ZNF254: variants seen among roughly 807,000 people sequenced by gnomAD.
ZNF254 encodes the protein zinc finger protein 254, also known as CTD-2017D11.1.
ZNF254 carries 10 observed loss-of-function variants against 12.4 expected under a neutral mutation model. The observed-to-expected ratio is 0.80, with a 90% CI of 0.50 to 1.36. ZNF254 has a LOEUF of 1.36. ZNF254 is among the 40% of genes most tolerant of loss of function. The pLI is 0.00. For missense variants in ZNF254, 996 were observed against 763.9 expected, an observed-to-expected ratio of 1.30 and a Z score of -3.58; for synonymous variants, 305 against 253.4, an observed-to-expected ratio of 1.20 and a Z score of -1.93.
At chr19:24,113,329 C>T (rs1039545778) in intron 3 of ZNF254, among the ~76,000 whole-genome samples, 8 of 152,252 alleles carry the variant, frequency 5.3e-5, no homozygotes, top group African/African-American at 1.9e-4. Flanking sequence ...AAAGCTTATC[C>T]ACCATGATCA....
intron 2 of ZNF254, among the ~76,000 whole-genome samples, chr19:24,068,490 G>C (rs1971361598): frequency 6.6e-6 from 1 of 152,104 alleles, no homozygotes; most frequent in South Asian, 2.1e-4. Context: ...TAGTAGAGGT[G>C]GAGTTTCACC....
At position 24,128,074 on chromosome 19, in the gene ZNF254, T is replaced by C. The variant is rs1470068130; in HGVS notation, c.*94T>C. On this transcript the variant is annotated 3_prime_UTR_variant, in exon 4 of 4. Transcript: ENST00000357002. ...ACTACAAACCTGAGAGAGGCGCTAA[T>C]GCTTTTGACAGTACCTAAAACTTTA... 1 of 1,281,938 alleles carries C rather than the reference T, an allele frequency of 7.8e-7. No individual in the cohort carries two copies. Among genetic ancestry groups the C allele is most frequent in the Non-Finnish European group, 1.0e-6 (1 of 970,704 alleles). 79.4% of individuals were successfully genotyped at this position (1,281,938 alleles called of 1,614,324 possible).
At position 24,044,266 on chromosome 19, in the gene ZNF254, C is replaced by T. The variant is rs866053071; in HGVS notation, c.-189-1918C>T. On this transcript the variant is annotated intron_variant, in intron 1 of 4. Coordinates refer to the ZNF254 transcript ENST00000613065. ...AAAAAAAAAAAATACAGGCTGGGCG[C>T]GGTGGCTCACGCCTATAATCCCAGC... is the stretch of plus-strand genomic sequence containing the variant. 7.8e-4 allele frequency among the ~76,000 whole-genome samples: 114 copies of T among 146,548 alleles called. No homozygotes were observed. In the Middle Eastern group the frequency reaches 0.031, roughly 40 times the overall value.
At chr19:24,075,302 G>C (rs1235375426) in intron 2 of ZNF254, among the ~76,000 whole-genome samples, 1 of 152,076 alleles carries the variant, frequency 6.6e-6, no homozygotes, top group African/African-American at 2.4e-5. Context: ...CTGCCCATGG[G>C]GGCTTTGTGA....
At chr19:24,106,682 G>A in intron 3 of ZNF254, 39 bp downstream of exon 3, 1 of 1,497,130 alleles carries the variant, frequency 6.7e-7, no homozygotes, top group Non-Finnish European at 9.1e-7. Context: ...ATGGATGAGA[G>A]GTCCAAAGTC....
At chr19:24,091,445 A>G (rs1972378684) in intron 1 of ZNF254, among the ~76,000 whole-genome samples, 1 of 152,144 alleles carries the variant, frequency 6.6e-6, no homozygotes, top group South Asian at 2.1e-4. Flanking sequence ...TAGCAGGGTA[A>G]ATCCTTGGTA....
intron 1 of ZNF254, among the ~76,000 whole-genome samples, chr19:24,101,393 A>G (rs1347828236): frequency 6.6e-6 from 1 of 152,188 alleles, no homozygotes; most frequent in African/African-American, 2.4e-5. Context: ...TAGACATTTT[A>G]GATCCCTCCT....
rs543206843 is a variant in ZNF254 at position 24,116,017 on chromosome 19, A to G, written c.253+9374A>G. 1.6e-4 allele frequency among the ~76,000 whole-genome samples: 24 copies of G among 152,250 alleles called. No individual in the cohort carries two copies. The East Asian group carries it at 4.6e-3, about 29-fold the overall frequency. ...ATTCTTTTCTTTAAGAATGTTGAAT[A>G]TTGGCCCCCACTCTCTTCTGGCTTG... On this transcript the variant is annotated intron_variant, in intron 3 of 3. Transcript: ENST00000357002.
intron 1 of ZNF254, among the ~76,000 whole-genome samples, chr19:24,045,513 C>CA (rs1177715535): frequency 6.6e-6 from 1 of 151,676 alleles, no homozygotes; most frequent in Non-Finnish European, 1.5e-5. Context: ...ACTAAAAATA[C>CA]AAAAAATTAG....
chr19:24,125,062 G>T (rs1385392690), intron 3 of ZNF254, among the ~76,000 whole-genome samples: 1 of 152,122 alleles, frequency 6.6e-6, no homozygotes. Context: ...CTGGATTACA[G>T]GTGTGAGCCA....
At chr19:24,041,447 T>TAG (rs1349621530) in intron 1 of ZNF254, among the ~76,000 whole-genome samples, 12 of 152,226 alleles carry the variant, frequency 7.9e-5, no homozygotes, top group African/African-American at 2.9e-4. Flanking sequence ...AATGGGGGAC[T>TAG]TAGCACCCGG....
chr19:24,118,377 A>AT (rs1433878025), intron 3 of ZNF254, among the ~76,000 whole-genome samples: 7 of 152,066 alleles, frequency 4.6e-5, no homozygotes, highest in African/African-American at 1.7e-4. Context: ...TCATCAACAG[A>AT]TTAGGTGTTT....
chr19:24,046,718 G>A (rs1599583630), intron 2 of ZNF254, among the ~76,000 whole-genome samples: 1 of 152,112 alleles, frequency 6.6e-6, no homozygotes, highest in Admixed American at 6.6e-5. Flanking sequence ...GCTCTTCAGT[G>A]TAGAGGGAGT....
intron 1 of ZNF254, among the ~76,000 whole-genome samples, chr19:24,037,492 G>C (rs1314278343): frequency 1.3e-5 from 2 of 152,158 alleles, no homozygotes; most frequent in African/African-American, 2.4e-5. Flanking sequence ...GGAGTGCAGT[G>C]GCACAATCTC....
intron 1 of ZNF254, among the ~76,000 whole-genome samples, chr19:24,097,472 C>G (rs1288044381): frequency 2.6e-5 from 4 of 151,956 alleles, no homozygotes; most frequent in African/African-American, 9.7e-5. Flanking sequence ...AGTATTTATA[C>G]TACAAAAACA....
intron 1 of ZNF254, among the ~76,000 whole-genome samples, chr19:24,100,125 A>AC (rs978878010): frequency 7.2e-5 from 11 of 152,150 alleles, no homozygotes; most frequent in African/African-American, 2.7e-4. Context: ...ATTTCTACAA[A>AC]CTTTATAGGG....
Position 24,127,779 on chromosome 19 carries a change from G to A in ZNF254, c.1779G>A (p.Lys593=). 6.2e-7 allele frequency: 1 copy of A among 1,612,386 alleles called. No homozygotes were observed. ...FNRSSTFTKH[K]VIHTGVKPYK... ...GGTCTTCAACTTTTACTAAACATAA[G>A]GTAATTCATACTGGAGTAAAACCCT... Residue 593 remains lysine, a synonymous_variant, in exon 4 of 4, where the codon AAG becomes AAA. Coordinates refer to ENST00000357002, the MANE Select transcript of ZNF254 (RefSeq NM_203282.4).
intron 3 of ZNF254, among the ~76,000 whole-genome samples, chr19:24,116,076 G>A (rs745735125): frequency 1.3e-5 from 2 of 152,168 alleles, no homozygotes; most frequent in African/African-American, 2.4e-5. Context: ...CTCTTAGTCC[G>A]ATGGGCTTCC....
At chr19:24,075,925 T>C (rs1971641508) in intron 2 of ZNF254, among the ~76,000 whole-genome samples, 1 of 152,206 alleles carries the variant, frequency 6.6e-6, no homozygotes, top group African/African-American at 2.4e-5. Context: ...TTCAGTGATA[T>C]TTCTCCTATT....
Sources: allele counts gnomAD v4.1 joint callset (sites outside exome capture counted in the v4.1 genomes callset), GRCh38; gene constraint gnomAD v4.1.1; transcripts MANE v1.5; gene names NCBI Gene and HGNC (gene_info 2026-07-23, HGNC 2026-07-21).